UNC13C: variants seen among roughly 807,000 people sequenced by gnomAD.
UNC13C encodes unc-13 homolog C.
In UNC13C, 174 loss-of-function variants were observed where a neutral mutation model predicts 245.4. The observed-to-expected ratio is 0.71, with a 90% CI of 0.63 to 0.80. The LOEUF (loss-of-function observed/expected upper bound fraction) is 0.80. Ranked by LOEUF, UNC13C falls within the 30% of genes least tolerant of loss-of-function variation. The pLI is 0.00. For synonymous variants in UNC13C, 992 were observed against 895.1 expected (o/e 1.11, Z -1.93); for missense variants, 2,829 against 2,602.9 (o/e 1.09, Z -1.89).
chr15:54,565,963 T>C (rs1358750912), intron 29 of UNC13C, among the ~76,000 whole-genome samples: 1 of 152,000 alleles, frequency 6.6e-6, no homozygotes, highest in Non-Finnish European at 1.5e-5. Flanking sequence ...CTGCTCCTCC[T>C]CGTCCTCTTT....
At chr15:54,498,435 T>TA (rs1312392011) in intron 20 of UNC13C, among the ~76,000 whole-genome samples, 1 of 151,810 alleles carries the variant, frequency 6.6e-6, no homozygotes, top group East Asian at 1.9e-4. Context: ...TACTCATGAG[T>TA]AAAAAAAGAA....
At chr15:54,419,253 T>G (rs1237297596) in intron 19 of UNC13C, among the ~76,000 whole-genome samples, 2 of 152,152 alleles carry the variant, frequency 1.3e-5, no homozygotes, top group Non-Finnish European at 2.9e-5. Context: ...AGAGTAGGTA[T>G]GTAATTAACT....
the UNC13C span, among the ~76,000 whole-genome samples, chr15:53,874,737 G>A: frequency 6.6e-6 from 1 of 152,138 alleles, no homozygotes; most frequent in Non-Finnish European, 1.5e-5. Flanking sequence ...ACCAGGTACT[G>A]CTGGTACCAC....
At chr15:54,130,796 A>G (rs769752930) in intron 2 of UNC13C, among the ~76,000 whole-genome samples, 1 of 152,044 alleles carries the variant, frequency 6.6e-6, no homozygotes, top group Non-Finnish European at 1.5e-5. Flanking sequence ...ATGCTTTTAT[A>G]TTTTATGAGT....
chr15:54,522,795 TA>T (rs1895278067), intron 24 of UNC13C, among the ~76,000 whole-genome samples: 1 of 152,226 alleles, frequency 6.6e-6, no homozygotes, highest in Non-Finnish European at 1.5e-5. Context: ...ATAGAAACTT[TA>T]TTTTTTTAGC....
In UNC13C at chr15:54,479,640, C is replaced by T. The variant is rs145670873; in HGVS notation, c.4934-14968C>T. Among the ~76,000 whole-genome samples the T allele has an allele frequency of 1.3e-3, 196 of 151,764 alleles. 1 individual carries two copies. Among genetic ancestry groups the T allele is most frequent in the African/African-American group, 4.5e-3 (185 of 41,430 alleles). ...TTGTTTTCTGATTGTTTCATATATC[C>T]GTTTTTCTTTATTCATCTTTTATTG... is the stretch of plus-strand genomic sequence containing the variant. On this transcript the variant is annotated intron_variant, in intron 19 of 32. Coordinates refer to ENST00000260323, the MANE Select transcript of UNC13C (RefSeq NM_001080534.3).
At chr15:54,045,094 C>T (rs2141041315) in intron 2 of UNC13C, among the ~76,000 whole-genome samples, 1 of 152,100 alleles carries the variant, frequency 6.6e-6, no homozygotes, top group Admixed American at 6.5e-5. Context: ...TGTAAATTAT[C>T]AATTTTTTCT....
chr15:54,385,353 C>A lies in UNC13C; in HGVS notation c.4714-7695C>A, dbSNP rs575695551. 4.6e-5 allele frequency among the ~76,000 whole-genome samples: 7 copies of A among 152,224 alleles called. 1 individual carries two copies. The South Asian group carries it at 1.4e-3, about 32-fold the overall frequency. On this transcript the variant is annotated intron_variant, in intron 17 of 32. Transcript: ENST00000260323. Reference sequence around the variant, plus strand: ...TATGGTATATATTCATAATAGAATACTACTTGACCATAAAAATAATGAAAT... The same window carrying A: ...TATGGTATATATTCATAATAGAATAATACTTGACCATAAAAATAATGAAAT...
chr15:54,344,727 T>G (rs1596257526), intron 17 of UNC13C, among the ~76,000 whole-genome samples: 1 of 152,188 alleles, frequency 6.6e-6, no homozygotes, highest in Non-Finnish European at 1.5e-5. Flanking sequence ...CCTTTTTGTC[T>G]TATAGCATAC....
chr15:54,395,403 G>T (rs2040048925), intron 18 of UNC13C, among the ~76,000 whole-genome samples: 1 of 151,808 alleles, frequency 6.6e-6, no homozygotes, highest in African/African-American at 2.4e-5. Flanking sequence ...CTAGGGTAAG[G>T]ATCACATGGG....
chr15:54,380,620 G>A (rs543747819), intron 17 of UNC13C, among the ~76,000 whole-genome samples: 2 of 149,482 alleles, frequency 1.3e-5, no homozygotes, highest in East Asian at 1.9e-4. Flanking sequence ...TAACCAACAC[G>A]TGTTATCTTT....
intron 30 of UNC13C, among the ~76,000 whole-genome samples, chr15:54,618,084 G>A (rs957905809): frequency 6.6e-6 from 1 of 152,118 alleles, no homozygotes; most frequent in Non-Finnish European, 1.5e-5. Flanking sequence ...TATTAAATGT[G>A]TGAGACTGTT....
At chr15:54,239,797 T>A (rs1405755285) in intron 7 of UNC13C, among the ~76,000 whole-genome samples, 2 of 152,186 alleles carry the variant, frequency 1.3e-5, no homozygotes, top group Non-Finnish European at 2.9e-5. Context: ...TGTAATATTT[T>A]GAGTATAGTT....
intron 24 of UNC13C, among the ~76,000 whole-genome samples, chr15:54,513,015 A>C (rs1003956080): frequency 6.6e-6 from 1 of 152,178 alleles, no homozygotes; most frequent in African/African-American, 2.4e-5. Flanking sequence ...CTGTGCCTTC[A>C]TTGCAATCTC....
chr15:54,523,956 T>G (rs537218960), intron 24 of UNC13C, among the ~76,000 whole-genome samples: 8 of 152,140 alleles, frequency 5.3e-5, no homozygotes, highest in Non-Finnish European at 1.0e-4. Flanking sequence ...CAAGAAAATA[T>G]CATTTAAAAA....
chr15:54,512,667 A>T (rs1220518037), intron 24 of UNC13C, among the ~76,000 whole-genome samples: 2 of 152,208 alleles, frequency 1.3e-5, no homozygotes, highest in Non-Finnish European at 2.9e-5. Context: ...AAGGGCAGCT[A>T]TGTCAAGAAT....
the UNC13C span, chr15:53,914,616 G>C: frequency 3.3e-5 from 5 of 152,744 alleles, no homozygotes; most frequent in South Asian, 2.1e-4. Context: ...GCCACAGAGC[G>C]GGAGCAGACA....
chr15:54,272,084 C>G (rs529423354), intron 10 of UNC13C, among the ~76,000 whole-genome samples: 3 of 152,336 alleles, frequency 2.0e-5, no homozygotes, highest in East Asian at 3.9e-4. Flanking sequence ...AATCCTTAAC[C>G]TCTTTGAATC....
chr15:54,057,704 G>T (rs898112264), intron 2 of UNC13C, among the ~76,000 whole-genome samples: 1 of 152,068 alleles, frequency 6.6e-6, no homozygotes, highest in African/African-American at 2.4e-5. Context: ...TGACCACACA[G>T]TTGGAAGTAA....
Sources: allele counts gnomAD v4.1 joint callset (sites outside exome capture counted in the v4.1 genomes callset), GRCh38; gene constraint gnomAD v4.1.1; transcripts MANE v1.5; gene names NCBI Gene and HGNC (gene_info 2026-07-23, HGNC 2026-07-21).